The following CD177 variants were observed in gnomAD, a reference collection of about 807,000 sequenced individuals.
The protein encoded by CD177 is CD177 molecule.
In CD177, 41 loss-of-function variants were observed where a neutral mutation model predicts 38.1. The observed-to-expected ratio is 1.07, with a 90% CI of 0.84 to 1.39. The LOEUF (loss-of-function observed/expected upper bound fraction) is 1.39. Among genes scored for constraint, CD177 ranks in the 40% most tolerant of loss-of-function variants. The probability of loss-of-function intolerance (pLI) is 0.00; values close to 1 mark genes in which losing one functional copy is unlikely to be tolerated. For missense variants in CD177, 619 were observed against 523.8 expected (o/e 1.18, Z -1.77); for synonymous variants, 236 against 216.7 (o/e 1.09, Z -0.78).
chr19:43,360,615 G>A lies in CD177; in HGVS notation c.760+210G>A. 5.3e-6 allele frequency: 3 copies of A among 571,190 alleles called. No individual in the cohort carries two copies. In the East Asian group the frequency reaches 9.2e-5, roughly 18 times the overall value. The allele number at this position is 571,190 out of a possible 1,614,324, so 35.4% of individuals were successfully genotyped here. A position where few individuals can be genotyped will look rare whatever the true frequency, so the allele number is the denominator to read the frequency against. ...TGACAGTGTCTGCCTTTCTGGGGAGGGGTGACCACGTATGCGGTAATCCCT... is the reference window on the plus strand; with the variant it reads ...TGACAGTGTCTGCCTTTCTGGGGAGAGGTGACCACGTATGCGGTAATCCCT... On this transcript the variant is annotated intron_variant, in intron 6 of 8. Transcript: ENST00000618265.
At chr19:43,365,797 C>T (rs1264198719), downstream of CD177, among the ~76,000 whole-genome samples, 2 of 151,944 alleles carry the variant, frequency 1.3e-5, no homozygotes, top group African/African-American at 4.8e-5. Flanking sequence ...CAGGAGCTCA[C>T]AGATGTGGTA....
intron 3 of CD177, among the ~76,000 whole-genome samples, chr19:43,355,267 C>A (rs916386041): frequency 6.6e-6 from 1 of 151,292 alleles, no homozygotes; most frequent in African/African-American, 2.4e-5. Context: ...GAGCCTGCCA[C>A]CACGCCCGGC....
In CD177 at chr19:43,362,576, C is replaced by A. The variant is rs560062921; in HGVS notation, c.*256C>A. 26 of 336,944 alleles carry A rather than the reference C, an allele frequency of 7.7e-5. No homozygotes were observed. Among genetic ancestry groups the A allele is most frequent in the African/African-American group, 4.9e-4 (23 of 47,184 alleles). The allele number at this position is 336,944 out of a possible 1,614,324, so 20.9% of individuals were successfully genotyped here. A position where few individuals can be genotyped will look rare whatever the true frequency, so the allele number is the denominator to read the frequency against. ...TCTGATAATACAGACCCTGTCCTTT[C>A]TCCCAGTGCTGGGATTTCTCCATGT... On this transcript the variant is annotated 3_prime_UTR_variant, in exon 9 of 9. Transcript: ENST00000618265.
downstream of CD177, chr19:43,363,295 G>A (rs1195633239): frequency 6.6e-6 from 1 of 152,176 alleles, no homozygotes; most frequent in Non-Finnish European, 1.5e-5. Flanking sequence ...CATTTTCCCA[G>A]AGCTGTTATC....
chr19:43,362,434 C>A lies in CD177; in HGVS notation c.*114C>A. ...ATTCTTTCCCATTCTGTCCATGAAT[C>A]ATCTTCCCCACACACAATCATTCAT... On this transcript the variant is annotated 3_prime_UTR_variant, in exon 9 of 9. Transcript: ENST00000618265. 1 of 590,824 alleles carries A rather than the reference C, an allele frequency of 1.7e-6. No homozygotes were observed. Among genetic ancestry groups the A allele is most frequent in the South Asian group, 2.1e-5 (1 of 47,150 alleles). 36.6% of individuals were successfully genotyped at this position (590,824 alleles called of 1,614,324 possible).
In CD177 at chr19:43,355,661, A is replaced by T; in HGVS notation, c.380A>T (p.Asp127Val). 1 of 1,612,344 alleles carries T rather than the reference A, an allele frequency of 6.2e-7. No individual in the cohort carries two copies. Among genetic ancestry groups the T allele is most frequent in the South Asian group, 1.1e-5 (1 of 91,000 alleles). Residue 127 changes from aspartate (D) to valine (V), a missense_variant and splice_region_variant, in exon 4 of 9, where the codon GAC (aspartate) becomes GTC (valine). By Grantham distance (152) the Asp-to-Val change is radical. Transcript: ENST00000618265. ...LPLWAPQPPA[D>V]PGSLRCPVCL... ...CTCACTCTGTCTGTCACTTTCCTAG[A>T]CCCAGGATCCTTGAGGTGCCCAGTC...
chr19:43,361,982 TG>T, intron 8 of CD177, 105 bp from the exon 9 acceptor site: 2 of 908,954 alleles, frequency 2.2e-6, no homozygotes, highest in African/African-American at 1.7e-5. Flanking sequence ...GCTGGGGGTC[TG>T]GGCTCCTCGG....
At chr19:43,360,165 G>A (rs552374229) in intron 5 of CD177, 100 bp from the exon 6 acceptor site, 37 of 1,394,858 alleles carry the variant, frequency 2.7e-5, no homozygotes, top group African/African-American at 1.4e-4. Context: ...GTCACCTGGA[G>A]TGTGACTCAA....
At position 43,353,895 on chromosome 19, in the gene CD177, T is replaced by A; in HGVS notation, c.95T>A (p.Val32Glu). The change falls in exon 2 of 9, where the codon GTG becomes GAG. Residue 32 changes from valine (V) to glutamate (E), a missense_variant. By Grantham distance (121) the Val-to-Glu change is moderately radical. Coordinates refer to ENST00000618265, the MANE Select transcript of CD177 (RefSeq NM_020406.4). Reference sequence around the variant, plus strand: ...TGCCAGTTTGGGACAGTTCAGCATGTGTGGAAGGTGTCCGACCTGCCCCGG... The same window carrying A: ...TGCCAGTTTGGGACAGTTCAGCATGAGTGGAAGGTGTCCGACCTGCCCCGG... ...LLCQFGTVQH[V>E]WKVSDLPRQW... 1 of 1,613,856 alleles carries A rather than the reference T, an allele frequency of 6.2e-7. No individual in the cohort carries two copies. The highest frequency in any genetic ancestry group is 8.5e-7 in the Non-Finnish European group (1 of 1,179,846).
Position 43,361,637 on chromosome 19 carries a change from T to A in CD177, c.1081+58T>A, listed in dbSNP as rs550893505. The A allele has an allele frequency of 1.1e-5, 17 of 1,523,062 alleles. No homozygotes were observed. The African/African-American group carries it at 1.4e-4, about 12-fold the overall frequency. The allele number at this position is 1,523,062 out of a possible 1,614,324, so 94.3% of individuals were successfully genotyped here. On this transcript the variant is annotated intron_variant, in intron 8 of 8. Transcript: ENST00000618265. ...GGCACTGGTGGCCTGGACTCCTGGG[T>A]CTGAGGGAGGAGGGGCTGGGGGCCT... is the stretch of plus-strand genomic sequence containing the variant.
chr19:43,360,467 C>T, intron 6 of CD177, 62 bp downstream of exon 6: 1 of 1,482,080 alleles, frequency 6.7e-7, no homozygotes, highest in Non-Finnish European at 9.1e-7. Context: ...CCCTCCACCC[C>T]ACTGGATTCT....
intron 3 of CD177, among the ~76,000 whole-genome samples, chr19:43,354,881 G>A (rs1479576872): frequency 6.6e-6 from 1 of 151,950 alleles, no homozygotes; most frequent in Non-Finnish European, 1.5e-5. Flanking sequence ...GTTCTTGGAG[G>A]TTTAGTAGCG....
At chr19:43,354,624 C>T (rs573009296) in intron 3 of CD177, 1 of 598,688 alleles carries the variant, frequency 1.7e-6, no homozygotes, top group Non-Finnish European at 3.0e-6. Flanking sequence ...CCCCGCACCC[C>T]TCCTCTTCTA....
At position 43,360,377 on chromosome 19, in the gene CD177, T is replaced by G; in HGVS notation, c.732T>G (p.Cys244Trp). The G allele has an allele frequency of 6.2e-7, 1 of 1,607,208 alleles. No individual in the cohort carries two copies. The highest frequency in any genetic ancestry group is 1.1e-5 in the South Asian group (1 of 89,462). ...AGATGTGCGAGGTGGGGCAGGTGTG[T>G]CAGGAGACGCTGCTGCTCCTAGATG... The part of the protein sequence containing the change: ...NTEMCEVGQV[C>W]QETLLLLDVG... The change falls in exon 6 of 9, where the codon TGT (cysteine) becomes TGG (tryptophan). Residue 244 changes from cysteine (C) to tryptophan (W), a missense_variant. Cys to Trp is a radical substitution (Grantham distance 215). Coordinates refer to ENST00000618265, the MANE Select transcript of CD177 (RefSeq NM_020406.4).
Position 43,353,884 on chromosome 19 carries a change from A to T in CD177, c.84A>T (p.Thr28=). 6.2e-7 allele frequency: 1 copy of T among 1,613,894 alleles called. No homozygotes were observed. The highest frequency in any genetic ancestry group is 8.5e-7 in the Non-Finnish European group (1 of 1,179,856). ...GVQALLCQFG[T]VQHVWKVSDL... Reference sequence around the variant, plus strand: ...AGGCGCTGCTCTGCCAGTTTGGGACAGTTCAGCATGTGTGGAAGGTGTCCG... The same window carrying T: ...AGGCGCTGCTCTGCCAGTTTGGGACTGTTCAGCATGTGTGGAAGGTGTCCG... The change falls in exon 2 of 9, where the codon ACA becomes ACT. Residue 28 remains threonine, a synonymous_variant. Transcript: ENST00000618265.
chr19:43,361,992 G>A (rs1318426640), intron 8 of CD177, 96 bp from the exon 9 acceptor site: 11 of 1,030,506 alleles, frequency 1.1e-5, no homozygotes, highest in Middle Eastern at 2.1e-4. Flanking sequence ...TGGGCTCCTC[G>A]GTCTGAGGGA....
Position 43,353,927 on chromosome 19 carries a change from A to G in CD177, c.127A>G (p.Thr43Ala). The G allele has an allele frequency of 6.2e-7, 1 of 1,613,764 alleles. No individual in the cohort carries two copies. The highest frequency in any genetic ancestry group is 8.5e-7 in the Non-Finnish European group (1 of 1,179,814). The change falls in exon 2 of 9, where the codon ACC (threonine) becomes GCC (alanine). Residue 43 changes from threonine (T) to alanine (A), a missense_variant. Physicochemically the swap from Thr to Ala is moderately conservative, Grantham distance 58. Transcript: ENST00000618265. Reference sequence around the variant, plus strand: ...GGTGTCCGACCTGCCCCGGCAATGGACCCCTAAGAACACCAGCTGCGACAG... The same window carrying G: ...GGTGTCCGACCTGCCCCGGCAATGGGCCCCTAAGAACACCAGCTGCGACAG... ...WKVSDLPRQWTPKNTSCDSGL... is the reference protein window; with the variant it reads ...WKVSDLPRQWAPKNTSCDSGL...
intron 3 of CD177, 138 bp downstream of exon 3, chr19:43,354,530 T>C: frequency 1.2e-6 from 1 of 825,958 alleles, no homozygotes; most frequent in Non-Finnish European, 1.9e-6. Flanking sequence ...CCCTGACTGC[T>C]CCCTGACCAT....
At chr19:43,362,052 C>T (rs1379468413) in intron 8 of CD177, 36 bp from the exon 9 acceptor site, 8 of 1,585,580 alleles carry the variant, frequency 5.0e-6, no homozygotes, top group South Asian at 1.1e-5. Flanking sequence ...CTGGGCTGTA[C>T]TCTGTGTCCT....
Sources: gnomAD v4.1 joint callset for allele counts (sites outside exome capture counted in the v4.1 genomes callset) on GRCh38, gnomAD v4.1.1 for gene constraint, MANE v1.5 for transcripts, NCBI Gene and HGNC (gene_info 2026-07-23, HGNC 2026-07-21) for gene names.